The following HEXD variants were observed in gnomAD, a reference collection of about 807,000 sequenced individuals.
HEXD encodes N-acetyl-beta-galactosaminidase.
Under a neutral mutation model 54.2 loss-of-function variants are expected in HEXD, and 47 were observed. That is an observed-to-expected ratio of 0.87 (90% CI 0.69 to 1.11). The LOEUF is 1.11. Ranked by LOEUF, HEXD falls within the 50% of genes least tolerant of loss-of-function variation. The pLI, the probability that HEXD is intolerant of heterozygous loss-of-function variation, is 0.00. For missense variants in HEXD, 576 were observed against 649.2 expected, an observed-to-expected ratio of 0.89 and a Z score of 1.23; for synonymous variants, 293 against 287.6, an observed-to-expected ratio of 1.02 and a Z score of -0.19.
At chr17:82,433,077 GAAAAA>G (rs71168108) in intron 4 of HEXD, among the ~76,000 whole-genome samples, 5 of 7,834 alleles carry the variant, frequency 6.4e-4, no homozygotes, top group Non-Finnish European at 9.1e-4. Context: ...AAAAAAAAAA[GAAAAA>G]AAAAAAAAAA....
intron 4 of HEXD, among the ~76,000 whole-genome samples, chr17:82,433,091 A>AAAAAAATAT (rs1555617647): frequency 7.6e-5 from 1 of 13,234 alleles, no homozygotes; most frequent in Non-Finnish European, 1.0e-4. Context: ...AAAAAAAAAA[A>AAAAAAATAT]ATATATATAT....
Position 82,441,795 on chromosome 17 carries a change from C to T in HEXD, c.1164-5C>T. On this transcript the variant is annotated splice_region_variant and splice_polypyrimidine_tract_variant and intron_variant, in intron 11 of 12. Coordinates refer to ENST00000327949, the MANE Select transcript of HEXD (RefSeq NM_001330542.2). ...GCGGCACACCCCTATGTGGATTTGC[C>T]CCAGGTATGTCACTGGCTGGTTCAG... The T allele has an allele frequency of 6.2e-7, 1 of 1,613,148 alleles. No homozygotes were observed. Among genetic ancestry groups the T allele is most frequent in the South Asian group, 1.1e-5 (1 of 91,078 alleles).
Position 82,419,860 on chromosome 17 carries a change from C to G in HEXD, c.61C>G (p.Pro21Ala), listed in dbSNP as rs747108453. 5.0e-6 allele frequency: 8 copies of G among 1,610,496 alleles called. No homozygotes were observed. The East Asian group carries it at 1.6e-4, about 31-fold the overall frequency. The change falls in exon 2 of 13, where the codon CCA (proline) becomes GCA (alanine). Residue 21 changes from proline (P) to alanine (A), a missense_variant. Physicochemically the swap from Pro to Ala is conservative, Grantham distance 27. Coordinates refer to ENST00000327949, the MANE Select transcript of HEXD (RefSeq NM_001330542.2). ...LVHLDLKGAP[P>A]KVSYLSEIFP... Reference sequence around the variant, plus strand: ...TCATTTAGACCTTAAAGGAGCTCCACCAAAGGTCTCGTACCTCTCAGAGGT... The same window carrying G: ...TCATTTAGACCTTAAAGGAGCTCCAGCAAAGGTCTCGTACCTCTCAGAGGT...
rs776140931 is a variant in HEXD at position 82,433,776 on chromosome 17, TG to T, written c.403del (p.Glu135SerfsTer51). The part of the protein sequence containing the change: ...ALVGAMIDQV[L>X]ELHPGAQRLH... ...GTGGGCGCCATGATTGACCAGGTCC[TG>T]GAGCTACACCCAGGCGCCCAGCGGC... On this transcript the variant is annotated frameshift_variant, in exon 5 of 13. Transcript: ENST00000327949. LOFTEE classifies it high-confidence loss of function. The T allele has an allele frequency of 1.4e-5, 23 of 1,612,992 alleles. No homozygotes were observed. The highest frequency in any genetic ancestry group is 1.8e-5 in the Non-Finnish European group (21 of 1,179,798).
chr17:82,433,631 A>C, intron 4 of HEXD, 27 bp from the exon 5 acceptor site: 1 of 1,524,750 alleles, frequency 6.6e-7, no homozygotes, highest in Non-Finnish European at 8.8e-7. Flanking sequence ...CTCCGCCCCC[A>C]ACGCGAACTT....
At chr17:82,421,171 CTT>C in intron 2 of HEXD, among the ~76,000 whole-genome samples, 1 of 152,102 alleles carries the variant, frequency 6.6e-6, no homozygotes. Context: ...TGCAAAGAGA[CTT>C]AAAGGAGGGT....
At chr17:82,423,987 G>A (rs754070673) in intron 2 of HEXD, among the ~76,000 whole-genome samples, 13 of 141,778 alleles carry the variant, frequency 9.2e-5, no homozygotes, top group South Asian at 2.3e-4. Context: ...CTCCTGCCCC[G>A]TCCCCCATGC....
At position 82,442,135 on chromosome 17, in the gene HEXD, C is replaced by T; in HGVS notation, c.1254-42C>T. On this transcript the variant is annotated intron_variant, in intron 12 of 12. Transcript: ENST00000327949. The surrounding 1 kb of genome is among the most constrained non-coding windows in gnomAD (Gnocchi z 6.8). Reference sequence around the variant, plus strand: ...CTGACCATGGGGCTGAGGGCAAGTCCCAAGTGTGCAGACTGTGCGTTCATG... The same window carrying T: ...CTGACCATGGGGCTGAGGGCAAGTCTCAAGTGTGCAGACTGTGCGTTCATG... 1 of 1,573,448 alleles carries T rather than the reference C, an allele frequency of 6.4e-7. No individual in the cohort carries two copies. Among genetic ancestry groups the T allele is most frequent in the Non-Finnish European group, 8.6e-7 (1 of 1,162,078 alleles).
rs563622901 is a variant in HEXD at position 82,427,684 on chromosome 17, G to C, written c.195-874G>C. Among the ~76,000 whole-genome samples the C allele has an allele frequency of 5.9e-5, 9 of 152,336 alleles. 1 individual carries two copies. In the South Asian group the frequency reaches 1.9e-3, roughly 32 times the overall value. On this transcript the variant is annotated intron_variant, in intron 3 of 12. Coordinates refer to ENST00000327949, the MANE Select transcript of HEXD (RefSeq NM_001330542.2). ...AAGTACCAGGGTTCCTTCGAAGCTT[G>C]AAACAGGAATGTTTAAAGACTTTAT... is the stretch of plus-strand genomic sequence containing the variant.
At chr17:82,428,710 A>AGGCTTGTGCCC in intron 4 of HEXD, 65 bp downstream of exon 4, 1 of 1,419,450 alleles carries the variant, frequency 7.0e-7, no homozygotes, top group South Asian at 1.1e-5. Context: ...AGGCTGGGCC[A>AGGCTTGTGCCC]GGCTTGTGCC....
At chr17:82,429,801 ACTCT>A (rs964926971) in intron 4 of HEXD, among the ~76,000 whole-genome samples, 4 of 149,046 alleles carry the variant, frequency 2.7e-5, no homozygotes, top group African/African-American at 9.9e-5. Context: ...CCCACCTCCC[ACTCT>A]CTCTCTAGAT....
intron 4 of HEXD, among the ~76,000 whole-genome samples, chr17:82,433,079 A>AAAAAAAAAAAAG: frequency 9.9e-5 from 1 of 10,134 alleles, no homozygotes; most frequent in Admixed American, 1.5e-3. Context: ...AAAAAAAAGA[A>AAAAAAAAAAAAG]AAAAAAAAAA....
chr17:82,434,122 C>T lies in HEXD; in HGVS notation c.447+300C>T, dbSNP rs1432979767. On this transcript the variant is annotated intron_variant, in intron 5 of 12. Transcript: ENST00000327949. This position sits in a 1 kb window ranked among gnomAD's most constrained non-coding sequence, Gnocchi z 4.5. ...ACCCTCGTGTCAGACGAGACCACCC[C>T]GGGCGGCTGGGCTGGCGGAAGCCTG... Among the ~76,000 whole-genome samples, 3 of 152,346 alleles carry T rather than the reference C, an allele frequency of 2.0e-5. No individual in the cohort carries two copies. Among genetic ancestry groups the T allele is most frequent in the Non-Finnish European group, 4.4e-5 (3 of 68,030 alleles).
At position 82,435,988 on chromosome 17, in the gene HEXD, G is replaced by T. The variant is rs1205177482; in HGVS notation, c.631+116G>T. The T allele has an allele frequency of 1.2e-5, 12 of 989,414 alleles. No homozygotes were observed. The East Asian group carries it at 2.9e-4, about 24-fold the overall frequency. 61.3% of individuals were successfully genotyped at this position (989,414 alleles called of 1,614,324 possible). A position where few individuals can be genotyped will look rare whatever the true frequency, so the allele number is the denominator to read the frequency against. ...CCAGGGTGAGCCCCAGCCCCGCACA[G>T]ACCCGCCACAACCACCTCCTGCATC... On this transcript the variant is annotated intron_variant, in intron 6 of 12. Transcript: ENST00000327949.
At chr17:82,436,937 C>T (rs558523322) in intron 7 of HEXD, 199 bp downstream of exon 7, 91 of 629,134 alleles carry the variant, frequency 1.4e-4, no homozygotes, top group Admixed American at 5.3e-4. Flanking sequence ...CTCCCTGTTC[C>T]ACCAGTGTTT....
At chr17:82,421,949 G>A (rs1207212089) in intron 2 of HEXD, among the ~76,000 whole-genome samples, 5 of 152,046 alleles carry the variant, frequency 3.3e-5, no homozygotes, top group Admixed American at 3.3e-4. Flanking sequence ...GGCCGAGGAA[G>A]GTGGATCACA....
In HEXD at chr17:82,429,503, A is replaced by T. The variant is rs61396530; in HGVS notation, c.282+858A>T. On this transcript the variant is annotated intron_variant, in intron 4 of 12. Transcript: ENST00000327949. ...CTCGGTCCTCCAGCCTTTCTAGTTG[A>T]TTCTCTCCATCGTACTCTGCTCTGG... Among the ~76,000 whole-genome samples the T allele has an allele frequency of 3.4e-3, 510 of 151,810 alleles. 5 individuals are homozygous for T. Among genetic ancestry groups the T allele is most frequent in the African/African-American group, 0.012 (492 of 41,370 alleles).
intron 9 of HEXD, chr17:82,440,320 A>AC (rs1347982727): frequency 1.4e-5 from 17 of 1,251,938 alleles, no homozygotes; most frequent in Non-Finnish European, 1.5e-5. Flanking sequence ...CGGCCCAGGG[A>AC]CGGGGACGCG....
At position 82,418,442 on chromosome 17, in the gene HEXD, T is replaced by C. The variant is rs1365341994; in HGVS notation, c.-350T>C. 10 of 1,476,652 alleles carry C rather than the reference T, an allele frequency of 6.8e-6. No homozygotes were observed. Among genetic ancestry groups the C allele is most frequent in the Non-Finnish European group, 8.0e-6 (9 of 1,119,574 alleles). 91.5% of individuals were successfully genotyped at this position (1,476,652 alleles called of 1,614,324 possible). On this transcript the variant is annotated 5_prime_UTR_variant, in exon 1 of 13. Coordinates refer to ENST00000327949, the MANE Select transcript of HEXD (RefSeq NM_001330542.2). ...CCGGTTCCGGCGCTCGGCCGCTCCG[T>C]TGCCCTCGGGCGCCTTGGTTGCGGC...
Sources: allele counts gnomAD v4.1 joint callset (sites outside exome capture counted in the v4.1 genomes callset), GRCh38; gene constraint gnomAD v4.1.1; non-coding constraint Gnocchi (gnomAD v3.1); transcripts MANE v1.5; gene names NCBI Gene and HGNC (gene_info 2026-07-23, HGNC 2026-07-21).